Variants in TOPBP1 observed in about 807,000 individuals in gnomAD.
The protein encoded by TOPBP1 is DNA topoisomerase 2-binding protein 1.
A neutral mutation model predicts 167.7 loss-of-function variants in TOPBP1; 28 were observed. The observed-to-expected ratio is 0.17, with a 90% CI of 0.12 to 0.23. TOPBP1 has a LOEUF of 0.23. Among genes scored for constraint, TOPBP1 ranks in the 10% least tolerant of loss-of-function variants. The pLI is 1.00. For missense variants in TOPBP1, 1,554 were observed against 1,809.6 expected, an observed-to-expected ratio of 0.86 and a Z score of 2.56; for synonymous variants, 598 against 611.4, an observed-to-expected ratio of 0.98 and a Z score of 0.32.
chr3:133,608,485 C>T lies in TOPBP1; in HGVS notation c.4425+50G>A, dbSNP rs370673187. The T allele has an allele frequency of 8.3e-5, 132 of 1,596,352 alleles. 2 individuals are homozygous for T. The highest frequency in any genetic ancestry group is 7.0e-4 in the African/African-American group (52 of 74,460). On this transcript the variant is annotated intron_variant, in intron 27 of 27. Transcript: ENST00000260810. Reference sequence around the variant, plus strand: ...TGTTGTGCAGTTACTTATCTATGCACATAAACGTATCTCTGGTAATGAGGA... The same window carrying T: ...TGTTGTGCAGTTACTTATCTATGCATATAAACGTATCTCTGGTAATGAGGA...
chr3:133,634,288 C>T (rs919711951), intron 14 of TOPBP1, among the ~76,000 whole-genome samples: 7 of 152,218 alleles, frequency 4.6e-5, no homozygotes, highest in African/African-American at 1.7e-4. Context: ...GCAGGCAGAT[C>T]ACTTGATATC....
chr3:133,645,004 C>A (rs906978809), intron 10 of TOPBP1, among the ~76,000 whole-genome samples: 1 of 152,154 alleles, frequency 6.6e-6, no homozygotes, highest in Non-Finnish European at 1.5e-5. Context: ...CAAAAGGAGT[C>A]TCAGGCTTGA....
rs1936451192 is a variant in TOPBP1, at chr3:133,655,492, G to A, written c.546-6C>T. The A allele has an allele frequency of 7.2e-7, 1 of 1,380,144 alleles. No individual in the cohort carries two copies. The highest frequency in any genetic ancestry group is 9.6e-7 in the Non-Finnish European group (1 of 1,043,306). 85.5% of individuals were successfully genotyped at this position (1,380,144 alleles called of 1,614,324 possible). ...CAGTATATCTAGTTATTTTTCTGTG[G>A]GAATCAAATGGTTAAAAAAGAACAT... On this transcript the variant is annotated splice_polypyrimidine_tract_variant and splice_region_variant and intron_variant, in intron 5 of 27. Coordinates refer to ENST00000260810, the MANE Select transcript of TOPBP1 (RefSeq NM_007027.4).
At chr3:133,616,981 A>C in intron 22 of TOPBP1, 56 bp from the exon 23 acceptor site, 1 of 1,287,916 alleles carries the variant, frequency 7.8e-7, no homozygotes, top group East Asian at 2.6e-5. Flanking sequence ...TCAGATACAC[A>C]GTTCTTTTAT....
intron 13 of TOPBP1, 28 bp from the exon 14 acceptor site, chr3:133,638,190 A>G: frequency 6.2e-7 from 1 of 1,604,062 alleles, no homozygotes; most frequent in South Asian, 1.1e-5. Context: ...AAAGAAACAA[A>G]TATGAGCCAC....
chr3:133,652,033 G>A (rs1936325797), intron 8 of TOPBP1, among the ~76,000 whole-genome samples: 1 of 151,942 alleles, frequency 6.6e-6, no homozygotes, highest in Non-Finnish European at 1.5e-5. Flanking sequence ...CTGCTCGGGA[G>A]ACTGAGGGGT....
intron 27 of TOPBP1, among the ~76,000 whole-genome samples, chr3:133,604,588 T>C (rs1934428364): frequency 1.3e-5 from 2 of 151,906 alleles, no homozygotes. Flanking sequence ...AAAAGCGCTG[T>C]ATCTAGTAAA....
At chr3:133,606,964 C>T in intron 27 of TOPBP1, among the ~76,000 whole-genome samples, 1 of 151,890 alleles carries the variant, frequency 6.6e-6, no homozygotes, top group East Asian at 1.9e-4. Context: ...AACAAAGAGA[C>T]CATGAAAGAA....
chr3:133,611,008 A>T lies in TOPBP1; in HGVS notation c.4169T>A (p.Val1390Asp), dbSNP rs776132654. Residue 1390 changes from valine to aspartate, a missense_variant, in exon 25 of 28, where the codon GTT (valine) becomes GAT (aspartate). Physicochemically the swap from Val to Asp is radical, Grantham distance 152. Transcript: ENST00000260810. ...KIQQRQESGIVEGAFSGWKVI... is the reference protein window; with the variant it reads ...KIQQRQESGIDEGAFSGWKVI... ...TATATAATTGTGTTTTAATACCTCA[A>T]CAATGCCAGATTCTTGTCTTTGCTG... The T allele has an allele frequency of 3.7e-6, 6 of 1,611,682 alleles. No homozygotes were observed. The highest frequency in any genetic ancestry group is 8.5e-7 in the Non-Finnish European group (1 of 1,178,620).
chr3:133,611,466 T>C (rs1262830766), intron 24 of TOPBP1, among the ~76,000 whole-genome samples: 1 of 152,216 alleles, frequency 6.6e-6, no homozygotes, highest in African/African-American at 2.4e-5. Context: ...ACTAACTTCA[T>C]GAAAGGACAC....
chr3:133,616,782 G>A (rs777465811), intron 23 of TOPBP1, 32 bp downstream of exon 23: 2 of 1,243,566 alleles, frequency 1.6e-6, no homozygotes, highest in Non-Finnish European at 2.2e-6. Flanking sequence ...TTATTATATG[G>A]GACATTTTGG....
intron 17 of TOPBP1, among the ~76,000 whole-genome samples, chr3:133,623,841 G>T (rs1328010673): frequency 1.3e-5 from 2 of 152,172 alleles, no homozygotes; most frequent in Non-Finnish European, 2.9e-5. Context: ...TGGAGAATTA[G>T]AAAGAGTATC....
intron 25 of TOPBP1, 68 bp downstream of exon 25, chr3:133,610,935 TA>T (rs906266675): frequency 3.4e-5 from 48 of 1,400,582 alleles, no homozygotes; most frequent in East Asian, 2.5e-4. Flanking sequence ...CATTCTCTTT[TA>T]AAAAAAATGT....
At chr3:133,648,775 G>A (rs539765938) in intron 10 of TOPBP1, among the ~76,000 whole-genome samples, 164 of 151,736 alleles carry the variant, frequency 1.1e-3, no homozygotes, top group African/African-American at 3.6e-3. Flanking sequence ...TCCAGCCTGC[G>A]CAACAAGAGC....
At chr3:133,644,570 G>A (rs1345218608) in intron 10 of TOPBP1, among the ~76,000 whole-genome samples, 1 of 152,180 alleles carries the variant, frequency 6.6e-6, no homozygotes. Context: ...CCATTGGGAA[G>A]GACAAGAGCA....
chr3:133,615,350 A>C (rs960910299), intron 23 of TOPBP1, among the ~76,000 whole-genome samples: 1 of 152,086 alleles, frequency 6.6e-6, no homozygotes, highest in African/African-American at 2.4e-5. Flanking sequence ...GGTGGCGCAC[A>C]CCTGTAATCC....
intron 14 of TOPBP1, among the ~76,000 whole-genome samples, chr3:133,634,178 A>G (rs58174274): frequency 0.042 from 6,321 of 152,304 alleles, 287 homozygotes; most frequent in African/African-American, 0.11. Flanking sequence ...AGAATTCTTA[A>G]CATCTAGACA....
At chr3:133,610,550 G>A (rs1934638582) in intron 25 of TOPBP1, among the ~76,000 whole-genome samples, 1 of 150,956 alleles carries the variant, frequency 6.6e-6, no homozygotes, top group Non-Finnish European at 1.5e-5. Context: ...TACAGGTACA[G>A]TTGATAGTGT....
At chr3:133,640,285 A>T (rs1357933639) in intron 12 of TOPBP1, 115 bp from the exon 13 acceptor site, 2 of 884,152 alleles carry the variant, frequency 2.3e-6, no homozygotes, top group Non-Finnish European at 3.4e-6. Flanking sequence ...AAAAAAAAAT[A>T]CTGATTAAAA....
Sources: allele counts gnomAD v4.1 joint callset (sites outside exome capture counted in the v4.1 genomes callset), GRCh38; gene constraint gnomAD v4.1.1; transcripts MANE v1.5; gene names NCBI Gene and HGNC (gene_info 2026-07-23, HGNC 2026-07-21).